The following DRC11 variants were observed in gnomAD, a reference collection of about 807,000 sequenced individuals.
The protein encoded by DRC11 is IQ and AAA domain-containing protein 1.
the DRC11 span, among the ~76,000 whole-genome samples, chr2:236,473,866 G>A: frequency 6.6e-6 from 1 of 151,938 alleles, no homozygotes; most frequent in Non-Finnish European, 1.5e-5. This position sits in a 1 kb window ranked among gnomAD's most constrained non-coding sequence, Gnocchi z 4.8. Flanking sequence ...CTCTAATTCT[G>A]GTTTCAGTTA....
the DRC11 span, among the ~76,000 whole-genome samples, chr2:236,481,840 A>G: frequency 6.6e-6 from 1 of 151,012 alleles, no homozygotes; most frequent in Admixed American, 6.6e-5. Context: ...TTAGAATTAT[A>G]CATATTATAT....
the DRC11 span, among the ~76,000 whole-genome samples, chr2:236,418,182 C>T: frequency 1.3e-5 from 2 of 152,190 alleles, no homozygotes; most frequent in African/African-American, 4.8e-5. Flanking sequence ...CTAATTTACA[C>T]TCTCACCAAC....
chr2:236,400,020 T>C, the DRC11 span, among the ~76,000 whole-genome samples: 1 of 152,160 alleles, frequency 6.6e-6, no homozygotes, highest in South Asian at 2.1e-4. This position sits in a 1 kb window ranked among gnomAD's most constrained non-coding sequence, Gnocchi z 7.9. Context: ...CCCGGCCTGG[T>C]CCTGTCTTCT....
At chr2:236,356,452 G>T in the DRC11 span, among the ~76,000 whole-genome samples, 1 of 152,202 alleles carries the variant, frequency 6.6e-6, no homozygotes, top group Non-Finnish European at 1.5e-5. Flanking sequence ...CTCCCACAGG[G>T]TGGGGCATGC....
chr2:236,424,698 A>G, the DRC11 span, among the ~76,000 whole-genome samples: 1 of 150,442 alleles, frequency 6.6e-6, no homozygotes, highest in African/African-American at 2.5e-5. Flanking sequence ...GCAATTAAAA[A>G]TATACAATAT....
At chr2:236,458,356 G>A in the DRC11 span, among the ~76,000 whole-genome samples, 4 of 152,196 alleles carry the variant, frequency 2.6e-5, no homozygotes, top group African/African-American at 9.7e-5. Flanking sequence ...GCTTAAGTGT[G>A]AAGCAAGAGA....
At chr2:236,448,677 G>A in the DRC11 span, among the ~76,000 whole-genome samples, 6 of 152,134 alleles carry the variant, frequency 3.9e-5, no homozygotes, top group Admixed American at 1.3e-4. This position sits in a 1 kb window ranked among gnomAD's most constrained non-coding sequence, Gnocchi z 5.3. Context: ...CACAGGCTCT[G>A]AGGAGGAGGC....
the DRC11 span, among the ~76,000 whole-genome samples, chr2:236,358,064 GAATA>G: frequency 2.6e-5 from 3 of 115,740 alleles, no homozygotes; most frequent in Admixed American, 1.0e-4. Flanking sequence ...TATATTATAT[GAATA>G]TATATTTATA....
At chr2:236,410,352 C>T in the DRC11 span, among the ~76,000 whole-genome samples, 14 of 152,040 alleles carry the variant, frequency 9.2e-5, no homozygotes, top group East Asian at 7.7e-4. Flanking sequence ...GTGTATGTGT[C>T]GAGGAATTTA....
At chr2:236,443,675 T>C in the DRC11 span, among the ~76,000 whole-genome samples, 1 of 152,224 alleles carries the variant, frequency 6.6e-6, no homozygotes, top group Non-Finnish European at 1.5e-5. This position sits in a 1 kb window ranked among gnomAD's most constrained non-coding sequence, Gnocchi z 4.4. Context: ...GGTGCTGCAA[T>C]GAACATATGC....
chr2:236,468,258 T>C, the DRC11 span, among the ~76,000 whole-genome samples: 1 of 152,048 alleles, frequency 6.6e-6, no homozygotes, highest in African/African-American at 2.4e-5. Context: ...ACCTGGGTAA[T>C]TTTTTGTACT....
chr2:236,428,125 T>A, the DRC11 span, among the ~76,000 whole-genome samples: 14 of 152,302 alleles, frequency 9.2e-5, no homozygotes, highest in African/African-American at 3.1e-4. Context: ...TCTTCCTAAA[T>A]TTGTTAAGGC....
chr2:236,335,781 C>T, the DRC11 span, among the ~76,000 whole-genome samples: 77 of 152,242 alleles, frequency 5.1e-4, 1 homozygote, highest in East Asian at 8.5e-3. The surrounding 1 kb of genome is among the most constrained non-coding windows in gnomAD (Gnocchi z 5.6). Context: ...AAAAGAAGAA[C>T]GCATGAGAGG....
At chr2:236,318,731 A>G in the DRC11 span, among the ~76,000 whole-genome samples, 1 of 152,100 alleles carries the variant, frequency 6.6e-6, no homozygotes, top group Non-Finnish European at 1.5e-5. The surrounding 1 kb of genome is among the most constrained non-coding windows in gnomAD (Gnocchi z 7.0). Context: ...GTGTGTGTGC[A>G]TGCATGTGTA....
At chr2:236,486,284 C>A in the DRC11 span, among the ~76,000 whole-genome samples, 1 of 152,216 alleles carries the variant, frequency 6.6e-6, no homozygotes. The surrounding 1 kb of genome is among the most constrained non-coding windows in gnomAD (Gnocchi z 5.7). Context: ...TGGCTGACAC[C>A]TTGACTGCAG....
chr2:236,351,972 C>T, the DRC11 span, among the ~76,000 whole-genome samples: 4 of 152,062 alleles, frequency 2.6e-5, no homozygotes, highest in Non-Finnish European at 4.4e-5. The surrounding 1 kb of genome is among the most constrained non-coding windows in gnomAD (Gnocchi z 7.3). Flanking sequence ...AAAGGGCCTC[C>T]GAGGCCACAG....
chr2:236,312,468 A>G, the DRC11 span, among the ~76,000 whole-genome samples: 1 of 152,218 alleles, frequency 6.6e-6, no homozygotes, highest in Non-Finnish European at 1.5e-5. Flanking sequence ...CCCTAATTCT[A>G]TATGCACATA....
the DRC11 span, among the ~76,000 whole-genome samples, chr2:236,416,023 T>C: frequency 1.3e-5 from 2 of 152,046 alleles, no homozygotes; most frequent in African/African-American, 2.4e-5. Context: ...TTCTGGGGTA[T>C]AGGCAGAACA....
the DRC11 span, among the ~76,000 whole-genome samples, chr2:236,451,471 G>A: frequency 1.3e-5 from 2 of 152,036 alleles, no homozygotes; most frequent in African/African-American, 4.8e-5. Flanking sequence ...GCCAGATACT[G>A]TTCTGGGAAA....
Sources: allele counts gnomAD v4.1 joint callset (sites outside exome capture counted in the v4.1 genomes callset), GRCh38; gene constraint gnomAD v4.1.1; non-coding constraint Gnocchi (gnomAD v3.1); transcripts MANE v1.5; gene names NCBI Gene and HGNC (gene_info 2026-07-23, HGNC 2026-07-21).